Variants in CIAO2A observed in about 807,000 individuals in gnomAD.
CIAO2A encodes the protein MIP18 family protein FAM96A.
A neutral mutation model predicts 22.4 loss-of-function variants in CIAO2A; 17 were observed. The ratio of observed to expected loss-of-function variants is 0.76; its 90% CI spans 0.52 to 1.14. CIAO2A has a LOEUF of 1.14. CIAO2A is among the 50% of genes most tolerant of loss of function. The pLI is 0.00. For synonymous variants in CIAO2A, 74 were observed against 72.3 expected (o/e 1.02, Z -0.12); for missense variants, 192 against 191.4 (o/e 1.00, Z -0.02).
intron 3 of CIAO2A, among the ~76,000 whole-genome samples, chr15:64,077,968 G>A (rs142355895): frequency 9.0e-4 from 137 of 152,246 alleles, no homozygotes; most frequent in African/African-American, 3.1e-3. Context: ...CATTACAAAT[G>A]CACTCAAACA....
chr15:64,078,986 A>G (rs1567305357), intron 3 of CIAO2A, among the ~76,000 whole-genome samples: 1 of 151,908 alleles, frequency 6.6e-6, no homozygotes, highest in East Asian at 1.9e-4. Context: ...AGGTTCAGTG[A>G]GCTGTAATCA....
chr15:64,076,985 C>T (rs963093733), intron 3 of CIAO2A, among the ~76,000 whole-genome samples: 7 of 152,036 alleles, frequency 4.6e-5, no homozygotes, highest in Admixed American at 2.6e-4. Context: ...AGATTATAGG[C>T]GTGAGCCACT....
Position 64,093,494 on chromosome 15 carries a change from C to G in CIAO2A, c.124+151G>C, listed in dbSNP as rs947794189. On this transcript the variant is annotated intron_variant, in intron 1 of 4. Coordinates refer to ENST00000300030, the MANE Select transcript of CIAO2A (RefSeq NM_032231.7). ...GACCCCGAAGAAAGCGCCTGCTACGCCCCGGACAAGATCTGGCCAAAAACA... is the reference window on the plus strand; with the variant it reads ...GACCCCGAAGAAAGCGCCTGCTACGGCCCGGACAAGATCTGGCCAAAAACA... 8 of 912,290 alleles carry G rather than the reference C, an allele frequency of 8.8e-6. No homozygotes were observed. In the Admixed American group the frequency reaches 2.2e-4, roughly 26 times the overall value. 56.5% of individuals were successfully genotyped at this position (912,290 alleles called of 1,614,324 possible). A position where few individuals can be genotyped will look rare whatever the true frequency, so the allele number is the denominator to read the frequency against.
At chr15:64,086,614 ATT>A (rs35461939) in intron 2 of CIAO2A, among the ~76,000 whole-genome samples, 96,922 of 142,176 alleles carry the variant, frequency 0.68, 33,795 homozygotes, top group East Asian at 0.81. Context: ...TAGCAATGGG[ATT>A]TTTTTTTTTT....
intron 4 of CIAO2A, chr15:64,074,282 T>C (rs1205207878): frequency 6.6e-6 from 1 of 152,230 alleles, no homozygotes; most frequent in Non-Finnish European, 1.5e-5. Context: ...AACATACACA[T>C]ATTCCTGCGA....
chr15:64,075,500 T>C lies in CIAO2A; in HGVS notation c.377A>G (p.Glu126Gly). 1.3e-6 allele frequency: 2 copies of C among 1,583,596 alleles called. No homozygotes were observed. Among genetic ancestry groups the C allele is most frequent in the Non-Finnish European group, 1.7e-6 (2 of 1,163,124 alleles). Reference sequence around the variant, plus strand: ...TTTCAACATTCACTTACTGTCTTCTTCTGTTGAGTGGGTTCCTTCAGAAAT... The same window carrying C: ...TTTCAACATTCACTTACTGTCTTCTCCTGTTGAGTGGGTTCCTTCAGAAAT... ...IYISEGTHST[E>G]EDINKQINDK... The change falls in exon 4 of 5, where the codon GAA becomes GGA. Residue 126 changes from glutamate (E) to glycine (G), a missense_variant. Physicochemically the swap from Glu to Gly is moderately conservative, Grantham distance 98 (BLOSUM62 -2). Coordinates refer to ENST00000300030, the MANE Select transcript of CIAO2A (RefSeq NM_032231.7).
intron 1 of CIAO2A, among the ~76,000 whole-genome samples, chr15:64,092,411 C>G (rs933014154): frequency 1.3e-5 from 2 of 152,150 alleles, no homozygotes; most frequent in Non-Finnish European, 2.9e-5. Context: ...CTTTCTAGAT[C>G]CCCTCAGTCA....
rs35475525 is a variant in CIAO2A, at chr15:64,092,063, CAAAAAA to C, written c.124+1576_124+1581del. On this transcript the variant is annotated intron_variant, in intron 1 of 4. Coordinates refer to ENST00000300030, the MANE Select transcript of CIAO2A (RefSeq NM_032231.7). ...TGATTACCAGAGTGAGACCCTGTCT[CAAAAAA>C]AAAAAAAAAAAAAAAAAAATTTAAA... Among the ~76,000 whole-genome samples, 105 of 63,730 alleles carry C rather than the reference CAAAAAA, an allele frequency of 1.6e-3. No homozygotes were observed. In the Middle Eastern group the frequency reaches 0.033, roughly 20 times the overall value. The allele number at this position is 63,730 out of a possible 152,430, so 41.8% of individuals were successfully genotyped here.
rs1238811900 is a variant in CIAO2A at position 64,075,527 on chromosome 15, T to C, written c.350A>G (p.Tyr117Cys). The change falls in exon 4 of 5, where the codon TAC becomes TGC. Residue 117 changes from tyrosine to cysteine, a missense_variant. Coordinates refer to ENST00000300030, the MANE Select transcript of CIAO2A (RefSeq NM_032231.7). The stretch of plus-strand genomic sequence containing the variant: ...TGTTGAGTGGGTTCCTTCAGAAATG[T>C]AGATTTCCAACTGGAAAGTGGGAAA... ...CLPFKHKLEI[Y>C]ISEGTHSTEE... 3 of 1,582,002 alleles carry C rather than the reference T, an allele frequency of 1.9e-6. No homozygotes were observed. Among genetic ancestry groups the C allele is most frequent in the Non-Finnish European group, 1.7e-6 (2 of 1,163,028 alleles).
At chr15:64,073,086 C>T (rs2080686490) in intron 4 of CIAO2A, 58 bp from the exon 5 acceptor site, 1 of 1,191,804 alleles carries the variant, frequency 8.4e-7, no homozygotes, top group Non-Finnish European at 1.2e-6. Context: ...CAGCACCAGA[C>T]AGTATTTTTA....
intron 2 of CIAO2A, among the ~76,000 whole-genome samples, chr15:64,086,838 T>C (rs1164312218): frequency 1.3e-5 from 2 of 151,818 alleles, no homozygotes; most frequent in Admixed American, 6.6e-5. Context: ...GGTCTTGAAC[T>C]TCTGACCTCA....
At chr15:64,079,260 G>C (rs1042237434) in intron 3 of CIAO2A, among the ~76,000 whole-genome samples, 1 of 152,064 alleles carries the variant, frequency 6.6e-6, no homozygotes, top group Non-Finnish European at 1.5e-5. Flanking sequence ...GTAGGATTTG[G>C]CCAGGCCCAG....
chr15:64,087,253 G>C (rs2080805009), intron 2 of CIAO2A, among the ~76,000 whole-genome samples: 1 of 151,832 alleles, frequency 6.6e-6, no homozygotes, highest in East Asian at 1.9e-4. Flanking sequence ...CACCATGCCT[G>C]GCTAATTTTT....
At chr15:64,083,237 T>C (rs1473093796) in intron 2 of CIAO2A, among the ~76,000 whole-genome samples, 1 of 151,866 alleles carries the variant, frequency 6.6e-6, no homozygotes, top group African/African-American at 2.4e-5. Flanking sequence ...TTTTATACTA[T>C]TTTATAATTT....
chr15:64,076,079 C>G (rs1743442339), intron 3 of CIAO2A, among the ~76,000 whole-genome samples: 1 of 151,678 alleles, frequency 6.6e-6, no homozygotes, highest in African/African-American at 2.4e-5. Context: ...AAAAGGCCTG[C>G]AGGTGGTATT....
intron 3 of CIAO2A, among the ~76,000 whole-genome samples, chr15:64,077,870 G>A (rs2140106451): frequency 6.6e-6 from 1 of 152,276 alleles, no homozygotes; most frequent in Admixed American, 6.5e-5. Context: ...CTGTATCAAT[G>A]TCCTGGTTTA....
chr15:64,075,590 A>G lies in CIAO2A; in HGVS notation c.340-53T>C. The G allele has an allele frequency of 7.1e-6, 8 of 1,134,702 alleles. No homozygotes were observed. In the South Asian group the frequency reaches 9.6e-5, roughly 14 times the overall value. 70.3% of individuals were successfully genotyped at this position (1,134,702 alleles called of 1,614,324 possible). On this transcript the variant is annotated intron_variant, in intron 3 of 4. Transcript: ENST00000300030. The stretch of plus-strand genomic sequence containing the variant: ...AAAAACATTAATGCATTCTAAGATA[A>G]GAGAGTGAAGTGGAATGTACAGTAA...
chr15:64,080,864 A>G (rs1016970601), intron 3 of CIAO2A, among the ~76,000 whole-genome samples: 3 of 152,222 alleles, frequency 2.0e-5, no homozygotes, highest in African/African-American at 7.2e-5. Context: ...TTCCACTCAC[A>G]GGTGGAAAAG....
At chr15:64,084,028 A>C (rs1352787202) in intron 2 of CIAO2A, among the ~76,000 whole-genome samples, 1 of 152,154 alleles carries the variant, frequency 6.6e-6, no homozygotes, top group Non-Finnish European at 1.5e-5. Flanking sequence ...GGGCTAAGAC[A>C]AAACTTTCTA....
Sources: gnomAD v4.1 joint callset for allele counts (sites outside exome capture counted in the v4.1 genomes callset) on GRCh38, gnomAD v4.1.1 for gene constraint, MANE v1.5 for transcripts, NCBI Gene and HGNC (gene_info 2026-07-23, HGNC 2026-07-21) for gene names.